The following EIF4G3 variants were observed in gnomAD, a reference collection of about 807,000 sequenced individuals.
EIF4G3 encodes eIF-4-gamma 3.
EIF4G3 carries 34 observed loss-of-function variants against 186.4 expected under a neutral mutation model. The observed-to-expected ratio is 0.18, with a 90% CI of 0.14 to 0.24. EIF4G3 has a LOEUF of 0.24. Ranked by LOEUF, EIF4G3 falls within the 10% of genes least tolerant of loss-of-function variation. The probability of loss-of-function intolerance (pLI) is 1.00; values close to 1 mark genes in which losing one functional copy is unlikely to be tolerated. For missense variants in EIF4G3, 1,536 were observed against 1,948.5 expected (o/e 0.79, Z 3.99); for synonymous variants, 673 against 679.5 (o/e 0.99, Z 0.15).
At chr1:20,823,507 G>A (rs2062894982) in intron 33 of EIF4G3, among the ~76,000 whole-genome samples, 1 of 151,866 alleles carries the variant, frequency 6.6e-6, no homozygotes, top group African/African-American at 2.4e-5. Context: ...TCAGTCTCTC[G>A]AGTAGCTTAC....
At chr1:21,003,005 TA>T (rs397826733) in intron 4 of EIF4G3, among the ~76,000 whole-genome samples, 197 bp from the exon 5 acceptor site, 1 of 149,960 alleles carries the variant, frequency 6.7e-6, no homozygotes, top group African/African-American at 2.4e-5. Context: ...TTTTTTTTTT[TA>T]AATTAATGAA....
chr1:21,016,736 C>T (rs1454192270), intron 4 of EIF4G3, among the ~76,000 whole-genome samples: 1 of 151,698 alleles, frequency 6.6e-6, no homozygotes, highest in Admixed American at 6.6e-5. Context: ...GATAGGTGGT[C>T]AAGAGTTCAA....
intron 2 of EIF4G3, among the ~76,000 whole-genome samples, chr1:21,107,208 ACTCT>A (rs1375134508): frequency 2.0e-5 from 3 of 152,052 alleles, no homozygotes; most frequent in Non-Finnish European, 4.4e-5. Context: ...ATGGAGTCTT[ACTCT>A]ATCACCCAGA....
intron 5 of EIF4G3, among the ~76,000 whole-genome samples, chr1:21,002,443 C>T (rs1264714310): frequency 6.6e-6 from 1 of 152,088 alleles, no homozygotes; most frequent in Non-Finnish European, 1.5e-5. Flanking sequence ...TTGAATGCAA[C>T]CAGACTTAAA....
rs546480402 is a variant in EIF4G3 at position 20,930,399 on chromosome 1, C to G, written c.1663+11092G>C. On this transcript the variant is annotated intron_variant, in intron 14 of 36. Transcript: ENST00000602326. ...TTATCAACTAAGTTTATGTAACATT[C>G]TAAATCCTTTGTTGTCATGTCTATA... 1.3e-3 allele frequency among the ~76,000 whole-genome samples: 203 copies of G among 152,316 alleles called. 1 individual carries two copies. The highest frequency in any genetic ancestry group is 6.8e-3 in the Middle Eastern group (2 of 294).
rs560070509 is a variant in EIF4G3, at chr1:21,000,977, AC to A, written c.144+221del. On this transcript the variant is annotated intron_variant, in intron 6 of 36. Coordinates refer to ENST00000602326, the MANE Select transcript of EIF4G3 (RefSeq NM_001391906.1). ...AAGTTTAAAATAAAGAAAAATCTAAACCCCCAAATTCTTCCTGACTAATTCC... is the reference window on the plus strand; with the variant it reads ...AAGTTTAAAATAAAGAAAAATCTAAACCCCAAATTCTTCCTGACTAATTCC... Among the ~76,000 whole-genome samples the A allele has an allele frequency of 9.9e-5, 15 of 152,178 alleles. No individual in the cohort carries two copies. The South Asian group carries it at 3.1e-3, about 32-fold the overall frequency.
chr1:20,911,744 A>C (rs1429906149), intron 14 of EIF4G3, among the ~76,000 whole-genome samples: 1 of 151,870 alleles, frequency 6.6e-6, no homozygotes, highest in African/African-American at 2.4e-5. Context: ...TAGTCATCCA[A>C]GTAAGTTGTA....
intron 32 of EIF4G3, among the ~76,000 whole-genome samples, chr1:20,826,967 A>C (rs1356679299): frequency 6.6e-6 from 1 of 152,230 alleles, no homozygotes; most frequent in Non-Finnish European, 1.5e-5. Flanking sequence ...TAACTACCAC[A>C]CAAATGGGAT....
rs2059098653 is a variant in EIF4G3, at chr1:20,810,866, C to G, written c.4616G>C (p.Arg1539Thr). 1 of 1,613,774 alleles carries G rather than the reference C, an allele frequency of 6.2e-7. No homozygotes were observed. Among genetic ancestry groups the G allele is most frequent in the Non-Finnish European group, 8.5e-7 (1 of 1,179,692 alleles). The change falls in exon 36 of 37, where the codon AGA becomes ACA. Residue 1539 changes from arginine (R) to threonine (T), a missense_variant. Transcript: ENST00000602326. The surrounding 1 kb of genome is among the most constrained non-coding windows in gnomAD (Gnocchi z 4.1). ...CTGCTTGATAACAGCAGTGTCCACTCTGAAGGTAGAAGAGTCGGCTAAAGG... is the reference window on the plus strand; with the variant it reads ...CTGCTTGATAACAGCAGTGTCCACTGTGAAGGTAGAAGAGTCGGCTAAAGG... ...AAIIADSSTFRVDTAVIKQRV... is the reference protein window; with the variant it reads ...AAIIADSSTFTVDTAVIKQRV...
chr1:21,021,614 G>A (rs2090715708), intron 4 of EIF4G3, among the ~76,000 whole-genome samples: 1 of 152,040 alleles, frequency 6.6e-6, no homozygotes, highest in Admixed American at 6.5e-5. Context: ...GGAGTGCAGG[G>A]GTGCAATCTC....
At chr1:21,098,540 G>GAAAAAA (rs59544256) in intron 2 of EIF4G3, among the ~76,000 whole-genome samples, 8 of 72,712 alleles carry the variant, frequency 1.1e-4, no homozygotes, top group African/African-American at 2.9e-4. Flanking sequence ...GCCCTGTCTC[G>GAAAAAA]AAAAAAAAAA....
chr1:21,046,237 T>C (rs550375185), intron 4 of EIF4G3, among the ~76,000 whole-genome samples: 110 of 152,366 alleles, frequency 7.2e-4, no homozygotes, highest in African/African-American at 2.3e-3. Context: ...AGACTCTGTC[T>C]CACCAATTTA....
intron 14 of EIF4G3, among the ~76,000 whole-genome samples, chr1:20,938,989 C>G (rs2154562001): frequency 6.6e-6 from 1 of 152,090 alleles, no homozygotes; most frequent in South Asian, 2.1e-4. Context: ...CGCCTATAAT[C>G]CCAGCTACTC....
intron 4 of EIF4G3, among the ~76,000 whole-genome samples, chr1:21,020,491 A>AAAAT (rs200046084): frequency 7.2e-5 from 11 of 152,172 alleles, no homozygotes; most frequent in East Asian, 5.8e-4. Flanking sequence ...CCCTGTCTCA[A>AAAAT]AAATAAATAA....
chr1:21,007,538 C>CAA (rs1471121881), intron 4 of EIF4G3, among the ~76,000 whole-genome samples: 1 of 58,488 alleles, frequency 1.7e-5, no homozygotes, highest in East Asian at 6.2e-4. Context: ...AAAAAAAAAA[C>CAA]ACACTCAAAA....
At chr1:20,835,847 G>A (rs1359963203) in intron 30 of EIF4G3, among the ~76,000 whole-genome samples, 3 of 151,914 alleles carry the variant, frequency 2.0e-5, no homozygotes, top group Non-Finnish European at 4.4e-5. Context: ...TGAGATGGGA[G>A]GATCACTTGA....
Position 20,852,365 on chromosome 1 carries a change from AAAGTATGAGTT to A in EIF4G3, c.3552-898_3552-888del, listed in dbSNP as rs556833779. On this transcript the variant is annotated intron_variant, in intron 27 of 36. Coordinates refer to ENST00000602326, the MANE Select transcript of EIF4G3 (RefSeq NM_001391906.1). ...TTTCAGGAATAAAGAAGACAATGATAAAGTATGAGTTACATAAATGAAAGGGAAACAAATAT... is the reference window on the plus strand; with the variant it reads ...TTTCAGGAATAAAGAAGACAATGATAACATAAATGAAAGGGAAACAAATAT... Among the ~76,000 whole-genome samples, 587 of 152,324 alleles carry A rather than the reference AAAGTATGAGTT, an allele frequency of 3.9e-3. 5 individuals carry two copies. The highest frequency in any genetic ancestry group is 0.014 in the African/African-American group (564 of 41,568).
chr1:21,075,847 C>T (rs1013733725), intron 3 of EIF4G3, among the ~76,000 whole-genome samples: 8 of 152,042 alleles, frequency 5.3e-5, no homozygotes. Flanking sequence ...ACTATTTGAT[C>T]TAAAGGGTGA....
chr1:21,077,463 A>G (rs2095622132), intron 3 of EIF4G3, among the ~76,000 whole-genome samples: 1 of 152,024 alleles, frequency 6.6e-6, no homozygotes, highest in East Asian at 1.9e-4. Context: ...AAAAGAAGAT[A>G]TACAAATGGC....
Sources: gnomAD v4.1 joint callset for allele counts (sites outside exome capture counted in the v4.1 genomes callset) on GRCh38, gnomAD v4.1.1 for gene constraint, Gnocchi (gnomAD v3.1) non-coding constraint, MANE v1.5 for transcripts, NCBI Gene and HGNC (gene_info 2026-07-23, HGNC 2026-07-21) for gene names.